IL34: variants seen among roughly 807,000 people sequenced by gnomAD.
IL34 encodes interleukin-34.
Under a neutral mutation model 25.3 loss-of-function variants are expected in IL34, and 17 were observed. The observed-to-expected ratio is 0.67, with a 90% CI of 0.46 to 1.01. IL34 has a LOEUF of 1.01. IL34 is among the 50% of genes least tolerant of loss of function. The probability of loss-of-function intolerance (pLI) is 0.00; values close to 1 mark genes in which losing one functional copy is unlikely to be tolerated. For missense variants in IL34, 368 were observed against 312.9 expected (o/e 1.18, Z -1.33); for synonymous variants, 174 against 140.9 (o/e 1.23, Z -1.66).
intron 1 of IL34, among the ~76,000 whole-genome samples, chr16:70,606,936 T>C (rs2051014493): frequency 6.6e-6 from 1 of 152,034 alleles, no homozygotes; most frequent in Admixed American, 6.6e-5. Context: ...CATACTATAA[T>C]TTTTTTACCC....
At chr16:70,623,270 C>T (rs1350026516) in intron 1 of IL34, among the ~76,000 whole-genome samples, 1 of 151,956 alleles carries the variant, frequency 6.6e-6, no homozygotes, top group African/African-American at 2.4e-5. Context: ...GTAAAGAAAG[C>T]ATGCTTGAGA....
intron 1 of IL34, among the ~76,000 whole-genome samples, chr16:70,619,657 G>T (rs1170359140): frequency 6.6e-6 from 1 of 152,220 alleles, no homozygotes; most frequent in Non-Finnish European, 1.5e-5. Context: ...CTTCCACTGT[G>T]AGAGTTACTC....
At position 70,655,347 on chromosome 16, in the gene IL34, G is replaced by A. The variant is rs369306806; in HGVS notation, c.162+676G>A. Among the ~76,000 whole-genome samples, 37 of 151,674 alleles carry A rather than the reference G, an allele frequency of 2.4e-4. 3 individuals are homozygous for A. Among genetic ancestry groups the A allele is most frequent in the Admixed American group, 2.0e-3 (31 of 15,218 alleles). Reference sequence around the variant, plus strand: ...ATTACAGGCGTGAGCCACTGCGCCCGGCCCTTTTTTTTTCTTTTTAATTTT... The same window carrying A: ...ATTACAGGCGTGAGCCACTGCGCCCAGCCCTTTTTTTTTCTTTTTAATTTT... On this transcript the variant is annotated intron_variant, in intron 2 of 5. Coordinates refer to ENST00000288098, the MANE Select transcript of IL34 (RefSeq NM_001393494.1).
At position 70,659,724 on chromosome 16, in the gene IL34, G is replaced by A. The variant is rs367851338; in HGVS notation, c.509G>A (p.Arg170Gln). 351 of 1,606,996 alleles carry A rather than the reference G, an allele frequency of 2.2e-4. No individual in the cohort carries two copies. The highest frequency in any genetic ancestry group is 2.7e-4 in the Non-Finnish European group (321 of 1,176,746). Residue 170 changes from arginine to glutamine, a missense_variant, in exon 5 of 6, where the codon CGG becomes CAG. Transcript: ENST00000288098. ...AAAGCCCTGCTGGACAACTGCTTCCGGGTCATGGAGCTGCTGTACTGCTCC... is the reference window on the plus strand; with the variant it reads ...AAAGCCCTGCTGGACAACTGCTTCCAGGTCATGGAGCTGCTGTACTGCTCC... ...RPKALLDNCF[R>Q]VMELLYCSCC...
intron 1 of IL34, among the ~76,000 whole-genome samples, chr16:70,647,609 C>A (rs1410002964): frequency 2.0e-5 from 3 of 152,218 alleles, no homozygotes; most frequent in Non-Finnish European, 4.4e-5. Context: ...GACTCAAATT[C>A]AACACATTTT....
At chr16:70,659,906 A>C in intron 5 of IL34, 91 bp from the exon 6 acceptor site, 1 of 1,475,566 alleles carries the variant, frequency 6.8e-7, no homozygotes, top group Non-Finnish European at 9.1e-7. Flanking sequence ...CCCTGGGTAG[A>C]GTGGGGGACA....
At chr16:70,624,074 G>T (rs1299428973) in intron 1 of IL34, among the ~76,000 whole-genome samples, 2 of 152,090 alleles carry the variant, frequency 1.3e-5, no homozygotes, top group Non-Finnish European at 2.9e-5. Flanking sequence ...AGCCGAGAAG[G>T]AGTCAGTCAG....
intron 4 of IL34, among the ~76,000 whole-genome samples, chr16:70,658,380 C>A (rs993684285): frequency 2.0e-5 from 3 of 152,084 alleles, no homozygotes; most frequent in African/African-American, 7.2e-5. Flanking sequence ...CTATGTTGCC[C>A]AGGCTGGTCT....
chr16:70,640,168 G>T (rs1267374731), intron 1 of IL34, among the ~76,000 whole-genome samples: 4 of 152,044 alleles, frequency 2.6e-5, no homozygotes, highest in African/African-American at 7.2e-5. Flanking sequence ...TTGAGACAGG[G>T]TCTCACTCTA....
At chr16:70,641,903 C>T (rs923065674), upstream of IL34, among the ~76,000 whole-genome samples, 8 of 152,074 alleles carry the variant, frequency 5.3e-5, no homozygotes, top group African/African-American at 1.7e-4. Context: ...TAAAAATCCT[C>T]ATTAGTTATT....
At chr16:70,633,255 AT>A (rs576875832) in intron 1 of IL34, among the ~76,000 whole-genome samples, 4,614 of 145,256 alleles carry the variant, frequency 0.032, 259 homozygotes, top group African/African-American at 0.11. Flanking sequence ...GCCCAGACTG[AT>A]TTTTTTTTTT....
At chr16:70,638,897 A>T (rs1597767862) in intron 1 of IL34, among the ~76,000 whole-genome samples, 1 of 152,168 alleles carries the variant, frequency 6.6e-6, no homozygotes, top group Non-Finnish European at 1.5e-5. Flanking sequence ...GTTTGTTTTT[A>T]AACAAATAAA....
At chr16:70,659,951 C>T (rs770634170) in intron 5 of IL34, 46 bp from the exon 6 acceptor site, 1 of 1,529,860 alleles carries the variant, frequency 6.5e-7, no homozygotes, top group African/African-American at 1.4e-5. Context: ...GGAGGGTGGT[C>T]TTGAACACTG....
At chr16:70,606,498 C>T (rs1244628868) in intron 1 of IL34, among the ~76,000 whole-genome samples, 1 of 152,190 alleles carries the variant, frequency 6.6e-6, no homozygotes, top group Admixed American at 6.5e-5. Context: ...TGCAGTTCCT[C>T]CCTGCCGACT....
At chr16:70,658,626 T>C (rs182429793) in intron 4 of IL34, among the ~76,000 whole-genome samples, 1 of 151,932 alleles carries the variant, frequency 6.6e-6, no homozygotes, top group Non-Finnish European at 1.5e-5. Context: ...GGATTATAGA[T>C]GCCTGCCACC....
chr16:70,637,980 T>G (rs1319101557), intron 1 of IL34, among the ~76,000 whole-genome samples: 1 of 152,238 alleles, frequency 6.6e-6, no homozygotes, highest in Admixed American at 6.5e-5. Flanking sequence ...TGTTTTTTGC[T>G]TCAAGTGTAA....
Position 70,660,155 on chromosome 16 carries a change from G to A in IL34, c.697G>A (p.Val233Ile), listed in dbSNP as rs1280930131. The A allele has an allele frequency of 2.5e-6, 4 of 1,606,664 alleles. No individual in the cohort carries two copies. The South Asian group carries it at 4.4e-5, about 18-fold the overall frequency. The change falls in exon 6 of 6, where the codon GTC becomes ATC. Residue 233 changes from valine to isoleucine, a missense_variant. Physicochemically the swap from Val to Ile is conservative, Grantham distance 29 (BLOSUM62 3). Transcript: ENST00000288098. ...TCACTCCACGGGCTCGGTGAGGCCGGTCAGGGCACAGGGCGAGGGCCTCTT... is the reference window on the plus strand; with the variant it reads ...TCACTCCACGGGCTCGGTGAGGCCGATCAGGGCACAGGGCGAGGGCCTCTT... ...PPHSTGSVRP[V>I]RAQGEGLLP
intron 5 of IL34, 71 bp from the exon 6 acceptor site, chr16:70,659,926 G>GCC: frequency 6.7e-7 from 1 of 1,495,826 alleles, no homozygotes; most frequent in African/African-American, 1.4e-5. Context: ...AAGCACATGC[G>GCC]GCTTGGCTTA....
upstream of IL34, among the ~76,000 whole-genome samples, chr16:70,643,828 T>G (rs1235776495): frequency 1.3e-5 from 2 of 151,804 alleles, no homozygotes; most frequent in Admixed American, 1.3e-4. Flanking sequence ...AGTTATTAAT[T>G]TGAGGGTTGT....
Sources: gnomAD v4.1 joint callset for allele counts (sites outside exome capture counted in the v4.1 genomes callset) on GRCh38, gnomAD v4.1.1 for gene constraint, MANE v1.5 for transcripts, NCBI Gene and HGNC (gene_info 2026-07-23, HGNC 2026-07-21) for gene names.